Variants in TACC2 observed in about 807,000 individuals in gnomAD.
TACC2 encodes transforming acidic coiled-coil containing protein 2.
A neutral mutation model predicts 227.3 loss-of-function variants in TACC2; 137 were observed. The ratio of observed to expected loss-of-function variants is 0.60; its 90% CI spans 0.52 to 0.69. The LOEUF is 0.69. TACC2 is among the 30% of genes least tolerant of loss of function. The pLI is 0.00. For synonymous variants in TACC2, 1,523 were observed against 1,487.5 expected (o/e 1.02, Z -0.55); for missense variants, 3,470 against 3,694.4 (o/e 0.94, Z 1.57).
intron 5 of TACC2, among the ~76,000 whole-genome samples, chr10:122,108,170 C>T (rs7914147): frequency 0.51 from 77,594 of 151,330 alleles, 20,100 homozygotes; most frequent in East Asian, 0.66. Flanking sequence ...AGATTACAGG[C>T]GTGAGCCACT....
chr10:122,127,930 C>T (rs755415522), intron 5 of TACC2, among the ~76,000 whole-genome samples: 31 of 152,228 alleles, frequency 2.0e-4, no homozygotes, highest in Admixed American at 4.6e-4. Context: ...TGATTTGGTA[C>T]GGAAGGTTTG....
At chr10:122,143,187 C>T (rs1406346837) in intron 6 of TACC2, among the ~76,000 whole-genome samples, 1 of 152,192 alleles carries the variant, frequency 6.6e-6, no homozygotes, top group Non-Finnish European at 1.5e-5. Flanking sequence ...TATTTTAGTT[C>T]TCACCTTGTA....
intron 5 of TACC2, among the ~76,000 whole-genome samples, chr10:122,122,591 C>T (rs1049662717): frequency 6.6e-6 from 1 of 151,636 alleles, no homozygotes; most frequent in Non-Finnish European, 1.5e-5. Context: ...GCTCCAGGGT[C>T]CGTTTGATAA....
chr10:122,043,399 A>G (rs1309436275), intron 2 of TACC2, among the ~76,000 whole-genome samples: 1 of 152,166 alleles, frequency 6.6e-6, no homozygotes, highest in South Asian at 2.1e-4. Flanking sequence ...TCAAAATTCC[A>G]TGAGGGTAGT....
chr10:122,016,296 C>T (rs1235826808), intron 1 of TACC2, among the ~76,000 whole-genome samples: 4 of 147,722 alleles, frequency 2.7e-5, no homozygotes, highest in Non-Finnish European at 5.9e-5. Flanking sequence ...AAGCCAGGCG[C>T]GGTGGCTCAT....
At position 122,253,919 on chromosome 10, in the gene TACC2, A is replaced by C. The variant is rs374871613; in HGVS notation, c.8782-72A>C. The C allele has an allele frequency of 5.6e-5, 77 of 1,363,374 alleles. No homozygotes were observed. In the African/African-American group the frequency reaches 9.4e-4, roughly 17 times the overall value. 84.5% of individuals were successfully genotyped at this position (1,363,374 alleles called of 1,614,324 possible). A position where few individuals can be genotyped will look rare whatever the true frequency, so the allele number is the denominator to read the frequency against. Reference sequence around the variant, plus strand: ...GGGCCTGGTGGTCCCCCATCTCCCCAAAAAGCCCCATGAGCATTCTGACTG... The same window carrying C: ...GGGCCTGGTGGTCCCCCATCTCCCCCAAAAGCCCCATGAGCATTCTGACTG... On this transcript the variant is annotated intron_variant, in intron 22 of 22. Coordinates refer to ENST00000369005, the MANE Select transcript of TACC2 (RefSeq NM_206862.4).
intron 6 of TACC2, among the ~76,000 whole-genome samples, chr10:122,138,473 GTAC>G (rs72305334): frequency 0.034 from 5,114 of 152,318 alleles, 128 homozygotes; most frequent in South Asian, 0.082. Context: ...TCGTGCCATT[GTAC>G]TCTAGCCTGG....
intron 7 of TACC2, among the ~76,000 whole-genome samples, chr10:122,160,412 TC>T (rs1379792554): frequency 6.6e-6 from 1 of 152,138 alleles, no homozygotes; most frequent in Non-Finnish European, 1.5e-5. Context: ...AGTGATTTCT[TC>T]CAGTTCTGGA....
In TACC2 at chr10:122,205,838, A is replaced by T. The variant is rs2095085989; in HGVS notation, c.5972-4559A>T. Among the ~76,000 whole-genome samples the T allele has an allele frequency of 6.6e-6, 1 of 152,244 alleles. No individual in the cohort carries two copies. Among genetic ancestry groups the T allele is most frequent in the East Asian group, 1.9e-4 (1 of 5,204 alleles). ...CTCTGAGCTACCCACAGCAACCAGC[A>T]AACTGCCACAGAAAGACCAAGTACT... On this transcript the variant is annotated intron_variant, in intron 8 of 22. Transcript: ENST00000369005. The surrounding 1 kb of genome is among the most constrained non-coding windows in gnomAD (Gnocchi z 4.5).
chr10:122,139,850 T>C (rs907905154), intron 6 of TACC2, among the ~76,000 whole-genome samples: 2 of 152,168 alleles, frequency 1.3e-5, no homozygotes, highest in African/African-American at 2.4e-5. Context: ...TGGGGGCTGT[T>C]ATCACCCTCC....
intron 7 of TACC2, among the ~76,000 whole-genome samples, chr10:122,190,199 G>A (rs530539381): frequency 6.6e-6 from 1 of 152,122 alleles, no homozygotes; most frequent in Non-Finnish European, 1.5e-5. Flanking sequence ...TTTTGTTGTC[G>A]TAGTTCATAG....
At chr10:122,042,212 T>C (rs2074378529) in intron 2 of TACC2, among the ~76,000 whole-genome samples, 1 of 152,144 alleles carries the variant, frequency 6.6e-6, no homozygotes, top group Non-Finnish European at 1.5e-5. Context: ...TCCAAAGTGC[T>C]GGGATTACAG....
At chr10:122,042,339 G>A (rs1221071682) in intron 2 of TACC2, among the ~76,000 whole-genome samples, 1 of 151,416 alleles carries the variant, frequency 6.6e-6, no homozygotes, top group Non-Finnish European at 1.5e-5. Flanking sequence ...GCCTCCCGGG[G>A]TCAAGCGATT....
At chr10:122,217,227 C>T (rs144692751) in intron 11 of TACC2, among the ~76,000 whole-genome samples, 103 of 152,098 alleles carry the variant, frequency 6.8e-4, no homozygotes, top group African/African-American at 2.0e-3. Context: ...TTGGTGCCAC[C>T]GTTATTCCTA....
intron 3 of TACC2, among the ~76,000 whole-genome samples, chr10:122,072,981 C>T (rs933127595): frequency 6.0e-5 from 9 of 150,960 alleles, no homozygotes; most frequent in East Asian, 2.0e-4. Context: ...GGCGTGGTGG[C>T]GCGGGCCTGT....
chr10:122,216,857 C>G (rs988464159), intron 11 of TACC2, 29 bp downstream of exon 11: 3 of 1,614,126 alleles, frequency 1.9e-6, no homozygotes, highest in Non-Finnish European at 2.5e-6. Context: ...AGCTGGACCC[C>G]CACTCTGCCT....
chr10:122,221,861 G>A (rs57450967), intron 11 of TACC2, among the ~76,000 whole-genome samples: 124 of 152,286 alleles, frequency 8.1e-4, no homozygotes, highest in African/African-American at 2.9e-3. Context: ...TCCTAGCAAT[G>A]GAGACCTGGA....
intron 5 of TACC2, among the ~76,000 whole-genome samples, chr10:122,104,814 A>G (rs1399552467): frequency 6.6e-6 from 1 of 152,234 alleles, no homozygotes; most frequent in Non-Finnish European, 1.5e-5. Context: ...ACACTGACTT[A>G]TCCTCTAAAA....
At chr10:122,246,639 T>TG (rs781715396) in intron 19 of TACC2, 5 of 152,064 alleles carry the variant, frequency 3.3e-5, no homozygotes, top group Admixed American at 6.5e-5. Context: ...GCTGCCCGGG[T>TG]GGTTGTGATG....
Sources: gnomAD v4.1 joint callset for allele counts (sites outside exome capture counted in the v4.1 genomes callset) on GRCh38, gnomAD v4.1.1 for gene constraint, Gnocchi (gnomAD v3.1) non-coding constraint, MANE v1.5 for transcripts, NCBI Gene and HGNC (gene_info 2026-07-23, HGNC 2026-07-21) for gene names.